Variants in ZNF420 observed in about 807,000 individuals in gnomAD.
The protein encoded by ZNF420 is zinc finger protein 420.
A neutral mutation model predicts 44.7 loss-of-function variants in ZNF420; 31 were observed. The observed-to-expected ratio is 0.69, with a 90% CI of 0.52 to 0.94. The LOEUF is 0.94. Ranked by LOEUF, ZNF420 falls within the 40% of genes least tolerant of loss-of-function variation. The pLI is 0.00. For missense variants in ZNF420, 681 were observed against 827.9 expected (o/e 0.82, Z 2.18); for synonymous variants, 245 against 267.4 (o/e 0.92, Z 0.82).
At chr19:37,058,355 G>A (rs1047788935) in intron 1 of ZNF420, among the ~76,000 whole-genome samples, 1 of 152,078 alleles carries the variant, frequency 6.6e-6, no homozygotes, top group Non-Finnish European at 1.5e-5. Context: ...TGGCCTTGGC[G>A]TCTAGGAAAG....
At chr19:37,019,277 TACTC>T (rs1271332965) in intron 1 of ZNF420, among the ~76,000 whole-genome samples, 12 of 152,210 alleles carry the variant, frequency 7.9e-5, no homozygotes, top group Non-Finnish European at 8.8e-5. Context: ...TGTAAAAAGA[TACTC>T]ACCACACTAA....
At chr19:37,086,440 T>A (rs1968786868) in intron 2 of ZNF420, among the ~76,000 whole-genome samples, 1 of 152,216 alleles carries the variant, frequency 6.6e-6, no homozygotes, top group South Asian at 2.1e-4. Context: ...TCAGCCCAGC[T>A]TGGCTTTTGG....
intron 1 of ZNF420, among the ~76,000 whole-genome samples, chr19:37,031,613 C>T (rs373420975): frequency 1.2e-3 from 184 of 152,182 alleles, no homozygotes; most frequent in African/African-American, 4.3e-3. Flanking sequence ...TCAAGTGATT[C>T]TCTTGCCTCA....
intron 1 of ZNF420, among the ~76,000 whole-genome samples, chr19:37,069,091 T>A (rs1968015641): frequency 6.6e-6 from 1 of 152,182 alleles, no homozygotes; most frequent in East Asian, 1.9e-4. Context: ...ACAACTTTAT[T>A]TAATGGCTAT....
chr19:37,084,037 A>G (rs1968621543), intron 2 of ZNF420, among the ~76,000 whole-genome samples: 2 of 152,186 alleles, frequency 1.3e-5, no homozygotes, highest in Non-Finnish European at 2.9e-5. Context: ...AATGATATTA[A>G]GATTCTCACT....
At chr19:37,110,478 T>G (rs548440993) in intron 4 of ZNF420, among the ~76,000 whole-genome samples, 1 of 152,234 alleles carries the variant, frequency 6.6e-6, no homozygotes, top group African/African-American at 2.4e-5. Flanking sequence ...TTCATTTGCT[T>G]TAGTCAAAGG....
At chr19:37,068,556 C>G (rs957852790) in intron 1 of ZNF420, among the ~76,000 whole-genome samples, 1 of 152,142 alleles carries the variant, frequency 6.6e-6, no homozygotes, top group Non-Finnish European at 1.5e-5. Context: ...AGGAGAATTG[C>G]TTGAACCCAG....
intron 4 of ZNF420, among the ~76,000 whole-genome samples, chr19:37,113,863 C>T (rs898301181): frequency 1.4e-5 from 2 of 146,432 alleles, no homozygotes; most frequent in African/African-American, 2.7e-5. Flanking sequence ...ACCAAGTCTT[C>T]ACCAAGTCTT....
At position 37,112,468 on chromosome 19, in the gene ZNF420, G is replaced by A. The variant is rs533139008; in HGVS notation, c.137-14660G>A. On this transcript the variant is annotated intron_variant, in intron 4 of 4. Coordinates refer to ENST00000337995, the MANE Select transcript of ZNF420 (RefSeq NM_144689.5). ...ACACTTCTGAGGCAGTGCCTACGCCGACAAGTCCTGTAACAGCCTTTTGTT... is the reference window on the plus strand; with the variant it reads ...ACACTTCTGAGGCAGTGCCTACGCCAACAAGTCCTGTAACAGCCTTTTGTT... Among the ~76,000 whole-genome samples, 121 of 152,230 alleles carry A rather than the reference G, an allele frequency of 7.9e-4. 1 individual carries two copies. The highest frequency in any genetic ancestry group is 1.1e-3 in the Non-Finnish European group (73 of 68,006).
intron 1 of ZNF420, among the ~76,000 whole-genome samples, chr19:37,015,983 CAGTT>C: frequency 6.6e-6 from 1 of 152,170 alleles, no homozygotes; most frequent in Non-Finnish European, 1.5e-5. Flanking sequence ...AAACTTTTCC[CAGTT>C]AGTTGAGGAT....
intron 1 of ZNF420, among the ~76,000 whole-genome samples, chr19:37,047,236 AT>A (rs1482699224): frequency 6.6e-6 from 1 of 152,254 alleles, no homozygotes; most frequent in African/African-American, 2.4e-5. Flanking sequence ...CACCAATGTC[AT>A]AGTATTAGGA....
chr19:37,104,281 C>T (rs62108899), intron 4 of ZNF420, among the ~76,000 whole-genome samples: 15,608 of 151,970 alleles, frequency 0.1, 1,023 homozygotes, highest in Middle Eastern at 0.18. Context: ...AATGGGTTTC[C>T]GGCGTCATCC....
chr19:37,112,610 G>A (rs1970441426), intron 4 of ZNF420, among the ~76,000 whole-genome samples: 1 of 152,164 alleles, frequency 6.6e-6, no homozygotes, highest in Admixed American at 6.5e-5. Context: ...TCTGCTCTCT[G>A]AGACCTGACT....
intron 1 of ZNF420, among the ~76,000 whole-genome samples, chr19:37,063,102 C>CCATT (rs72341426): frequency 1.3e-5 from 2 of 151,992 alleles, no homozygotes; most frequent in African/African-American, 4.8e-5. Context: ...ATCCATCCAT[C>CCATT]CATCCATCCA....
At chr19:37,072,250 T>C (rs936859772) in intron 1 of ZNF420, among the ~76,000 whole-genome samples, 2 of 152,194 alleles carry the variant, frequency 1.3e-5, no homozygotes, top group African/African-American at 4.8e-5. Flanking sequence ...AGATAAGAAA[T>C]TGGTCAGACT....
intron 1 of ZNF420, among the ~76,000 whole-genome samples, chr19:37,033,375 C>T (rs1160764176): frequency 6.6e-6 from 1 of 152,178 alleles, no homozygotes; most frequent in East Asian, 1.9e-4. Context: ...TTACTCTCTC[C>T]TCCCAGTACC....
intron 2 of ZNF420, among the ~76,000 whole-genome samples, chr19:37,081,030 C>G (rs1968416612): frequency 7.0e-6 from 1 of 143,186 alleles, no homozygotes; most frequent in Admixed American, 7.3e-5. Flanking sequence ...GCACTCCAGC[C>G]TGGGCAACAG....
At chr19:37,125,284 A>T (rs938591759) in intron 4 of ZNF420, among the ~76,000 whole-genome samples, 4 of 152,236 alleles carry the variant, frequency 2.6e-5, no homozygotes, top group African/African-American at 9.6e-5. Context: ...AGTAAATAAG[A>T]GAAGACATGA....
intron 4 of ZNF420, among the ~76,000 whole-genome samples, chr19:37,113,607 G>A (rs942491520): frequency 1.3e-5 from 2 of 152,216 alleles, no homozygotes; most frequent in African/African-American, 4.8e-5. Flanking sequence ...CAAAATCAGG[G>A]TAGGGCTCCT....
Sources: gnomAD v4.1 joint callset for allele counts (sites outside exome capture counted in the v4.1 genomes callset) on GRCh38, gnomAD v4.1.1 for gene constraint, MANE v1.5 for transcripts, NCBI Gene and HGNC (gene_info 2026-07-23, HGNC 2026-07-21) for gene names.